NAV2: variants seen among roughly 807,000 people sequenced by gnomAD.
The protein encoded by NAV2 is neuron navigator 2.
NAV2 carries 54 observed loss-of-function variants against 223.2 expected under a neutral mutation model. The observed-to-expected ratio is 0.24, with a 90% CI of 0.19 to 0.30. The LOEUF is 0.30. Among genes scored for constraint, NAV2 ranks in the 10% least tolerant of loss-of-function variants. The pLI is 1.00. For synonymous variants in NAV2, 1,279 were observed against 1,239.3 expected, an observed-to-expected ratio of 1.03 and a Z score of -0.67; for missense variants, 2,806 against 3,147.5, an observed-to-expected ratio of 0.89 and a Z score of 2.60.
chr11:19,430,370 C>T (rs554635136), intron 1 of NAV2, among the ~76,000 whole-genome samples: 162 of 152,304 alleles, frequency 1.1e-3, no homozygotes, highest in African/African-American at 3.6e-3. Flanking sequence ...GGTGTCTTCT[C>T]CCCTTCTTCA....
intron 25 of NAV2, chr11:20,082,440 G>A: frequency 6.9e-6 from 5 of 720,352 alleles, no homozygotes; most frequent in Non-Finnish European, 1.2e-5. Context: ...AAAGATTTGT[G>A]TTCCTACTGG....
chr11:20,095,296 C>T (rs1017310981), intron 29 of NAV2, among the ~76,000 whole-genome samples: 4 of 152,128 alleles, frequency 2.6e-5, no homozygotes, highest in African/African-American at 7.2e-5. Flanking sequence ...TGGGGTTAAT[C>T]ACTGAAGGCT....
chr11:19,736,715 C>T (rs920784134), intron 1 of NAV2, among the ~76,000 whole-genome samples: 1 of 152,316 alleles, frequency 6.6e-6, no homozygotes, highest in Middle Eastern at 3.4e-3. Context: ...CTGGTGCCTC[C>T]AAAGCCCAGG....
At chr11:19,507,214 A>T (rs1483704038) in intron 1 of NAV2, 1 of 152,178 alleles carries the variant, frequency 6.6e-6, no homozygotes, top group African/African-American at 2.4e-5. Flanking sequence ...GCAAATTTGG[A>T]ATCTGTATGT....
intron 1 of NAV2, among the ~76,000 whole-genome samples, chr11:19,832,281 C>T (rs1047481973): frequency 2.6e-5 from 4 of 152,178 alleles, no homozygotes; most frequent in South Asian, 2.1e-4. Flanking sequence ...TGAATCTTGA[C>T]GGCAGTCCTC....
intron 18 of NAV2, among the ~76,000 whole-genome samples, chr11:20,054,444 A>AT (rs2058234258): frequency 6.6e-6 from 1 of 152,200 alleles, no homozygotes; most frequent in Non-Finnish European, 1.5e-5. Context: ...ATATAGTCAC[A>AT]TCCCGCTCAG....
In NAV2 at chr11:20,118,575, G is replaced by C; in HGVS notation, c.*317G>C. ...AGGATCATCGCCGTTGAAATGAAAA[G>C]AGAGACAGAGAGAAAAAAAAAAAGA... On this transcript the variant is annotated 3_prime_UTR_variant, in exon 38 of 38. Transcript: ENST00000349880. 1 of 101,590 alleles carries C rather than the reference G, an allele frequency of 9.8e-6. No homozygotes were observed. The allele number at this position is 101,590 out of a possible 1,614,324, so 6.3% of individuals were successfully genotyped here.
At chr11:20,032,539 C>G in intron 11 of NAV2, among the ~76,000 whole-genome samples, 1 of 152,234 alleles carries the variant, frequency 6.6e-6, no homozygotes, top group East Asian at 1.9e-4. Flanking sequence ...CACCATTCCC[C>G]TTTCTTCTTC....
chr11:19,426,305 G>A (rs1032741562), intron 1 of NAV2, among the ~76,000 whole-genome samples: 3 of 152,042 alleles, frequency 2.0e-5, no homozygotes, highest in African/African-American at 4.8e-5. Context: ...GGGGAAGTGC[G>A]GCTGGCAGTC....
chr11:19,617,571 T>G (rs1479209468), intron 1 of NAV2, among the ~76,000 whole-genome samples: 1 of 152,150 alleles, frequency 6.6e-6, no homozygotes. Context: ...TTAGCTAATT[T>G]CCAGGCAGTA....
chr11:19,583,540 G>C (rs572158485), intron 1 of NAV2, among the ~76,000 whole-genome samples: 1 of 152,292 alleles, frequency 6.6e-6, no homozygotes, highest in South Asian at 2.1e-4. Flanking sequence ...TTATTATTTT[G>C]AGACATGTCC....
At chr11:20,063,273 G>C (rs2058822151) in intron 20 of NAV2, among the ~76,000 whole-genome samples, 1 of 152,244 alleles carries the variant, frequency 6.6e-6, no homozygotes, top group African/African-American at 2.4e-5. Flanking sequence ...TCATCCATGA[G>C]AGAGGTTTAG....
intron 1 of NAV2, among the ~76,000 whole-genome samples, chr11:19,691,212 C>T (rs2049164632): frequency 6.6e-6 from 1 of 151,796 alleles, no homozygotes; most frequent in Non-Finnish European, 1.5e-5. Flanking sequence ...AGAAGGCAAG[C>T]CATGTATGTA....
chr11:19,684,750 C>T (rs2048974334), intron 1 of NAV2, among the ~76,000 whole-genome samples: 1 of 152,158 alleles, frequency 6.6e-6, no homozygotes, highest in East Asian at 1.9e-4. Flanking sequence ...ATCATATTTC[C>T]AGCCCTTCCG....
intron 1 of NAV2, among the ~76,000 whole-genome samples, chr11:19,672,728 C>T (rs1460922570): frequency 6.6e-6 from 1 of 152,140 alleles, no homozygotes; most frequent in African/African-American, 2.4e-5. Context: ...ACCTCCCACA[C>T]CAACCAGCTC....
intron 1 of NAV2, among the ~76,000 whole-genome samples, chr11:19,808,293 G>A (rs1024356074): frequency 1.2e-4 from 18 of 152,126 alleles, no homozygotes; most frequent in Admixed American, 2.0e-4. Flanking sequence ...ACCACTCCAT[G>A]GGGGAACACT....
intron 6 of NAV2, among the ~76,000 whole-genome samples, chr11:19,899,735 T>C (rs2042286780): frequency 6.6e-6 from 1 of 152,194 alleles, no homozygotes. Flanking sequence ...CGAGAAGTGA[T>C]ATCATTTGTA....
chr11:20,074,093 C>T (rs1564991217), intron 22 of NAV2, among the ~76,000 whole-genome samples: 1 of 152,234 alleles, frequency 6.6e-6, no homozygotes, highest in Non-Finnish European at 1.5e-5. Context: ...TCCCTCTACA[C>T]ACTGCTTTAA....
At position 19,792,912 on chromosome 11, in the gene NAV2, T is replaced by TA. The variant is rs755851956; in HGVS notation, c.268-39560dup. Among the ~76,000 whole-genome samples the TA allele has an allele frequency of 4.1e-3, 574 of 141,218 alleles. 8 individuals are homozygous for TA. In the East Asian group the frequency reaches 0.049, roughly 12 times the overall value. The allele number at this position is 141,218 out of a possible 152,430, so 92.6% of individuals were successfully genotyped here. ...GACAGCTCAGTTTTGAGTGAGCCAT[T>TA]AAAAAAAAAAAAGAGGCTGGATGCA... On this transcript the variant is annotated intron_variant, in intron 1 of 37. Transcript: ENST00000349880.
Sources: allele counts gnomAD v4.1 joint callset (sites outside exome capture counted in the v4.1 genomes callset), GRCh38; gene constraint gnomAD v4.1.1; transcripts MANE v1.5; gene names NCBI Gene and HGNC (gene_info 2026-07-23, HGNC 2026-07-21).